XPO7: variants seen among roughly 807,000 people sequenced by gnomAD.
XPO7 encodes the protein exportin-7.
Under a neutral mutation model 144.3 loss-of-function variants are expected in XPO7, and 21 were observed. That is an observed-to-expected ratio of 0.15 (90% CI 0.10 to 0.21). The LOEUF (loss-of-function observed/expected upper bound fraction) is 0.21, where lower values mean the gene tolerates loss of function less well. Ranked by LOEUF, XPO7 falls within the 10% of genes least tolerant of loss-of-function variation. The probability of loss-of-function intolerance (pLI) is 1.00; values close to 1 mark genes in which losing one functional copy is unlikely to be tolerated. For missense variants in XPO7, 808 were observed against 1,325.8 expected (o/e 0.61, Z 6.06); for synonymous variants, 580 against 499.6 (o/e 1.16, Z -2.15).
At chr8:21,921,139 A>G (rs149475786) in intron 1 of XPO7, among the ~76,000 whole-genome samples, 26 of 152,326 alleles carry the variant, frequency 1.7e-4, no homozygotes, top group African/African-American at 6.3e-4. Context: ...TGATACAAGG[A>G]GATGATAATA....
intron 9 of XPO7, 66 bp downstream of exon 9, chr8:21,980,269 G>C: frequency 6.7e-7 from 1 of 1,499,178 alleles, no homozygotes; most frequent in Non-Finnish European, 8.9e-7. Context: ...TGAGTCAGAA[G>C]GAAATCCATC....
intron 1 of XPO7, among the ~76,000 whole-genome samples, chr8:21,920,164 T>C (rs914039737): frequency 2.7e-5 from 4 of 147,124 alleles, no homozygotes; most frequent in African/African-American, 5.0e-5. Flanking sequence ...TTGCTGACTT[T>C]ACTGAGGGGG....
rs763623905 is a variant in XPO7, at chr8:21,990,924, C to T, written c.2041+5C>T. ...GTCTCCTCATGGTGGATTTAGGTAC[C>T]GTAAGAAATCGTAGTGGCTCATGAA... is the stretch of plus-strand genomic sequence containing the variant. On this transcript the variant is annotated splice_donor_5th_base_variant and intron_variant, in intron 18 of 27. Coordinates refer to ENST00000252512, the MANE Select transcript of XPO7 (RefSeq NM_015024.5). 10 of 1,612,344 alleles carry T rather than the reference C, an allele frequency of 6.2e-6. No homozygotes were observed. Among genetic ancestry groups the T allele is most frequent in the African/African-American group, 4.0e-5 (3 of 74,824 alleles).
intron 1 of XPO7, among the ~76,000 whole-genome samples, chr8:21,960,776 T>C (rs1484345223): frequency 6.6e-6 from 1 of 152,214 alleles, no homozygotes; most frequent in East Asian, 1.9e-4. Flanking sequence ...GAGAAACTAA[T>C]GGGAGTCGTG....
intron 1 of XPO7, among the ~76,000 whole-genome samples, chr8:21,963,914 T>C (rs1490204017): frequency 6.6e-6 from 1 of 152,184 alleles, no homozygotes; most frequent in Admixed American, 6.5e-5. Flanking sequence ...AAGAATAACT[T>C]AGCTGCATAT....
At chr8:21,975,415 G>T (rs1021485310) in intron 6 of XPO7, among the ~76,000 whole-genome samples, 1 of 152,224 alleles carries the variant, frequency 6.6e-6, no homozygotes, top group Non-Finnish European at 1.5e-5. Context: ...AGAAAGAAGT[G>T]TTAAGCTGGG....
intron 1 of XPO7, among the ~76,000 whole-genome samples, chr8:21,933,060 T>C (rs1810705609): frequency 6.6e-6 from 1 of 152,146 alleles, no homozygotes; most frequent in African/African-American, 2.4e-5. Flanking sequence ...TCTAAGGTTT[T>C]AGAACATGAT....
chr8:21,954,944 T>C (rs1410224253), intron 1 of XPO7, among the ~76,000 whole-genome samples: 2 of 152,212 alleles, frequency 1.3e-5, no homozygotes, highest in Admixed American at 6.5e-5. Flanking sequence ...ATTTGAGATG[T>C]TGGTTAACAT....
chr8:22,001,485 T>C (rs936032878), intron 24 of XPO7, among the ~76,000 whole-genome samples: 1 of 152,154 alleles, frequency 6.6e-6, no homozygotes, highest in African/African-American at 2.4e-5. Context: ...TAAAGACGCA[T>C]AGATGAGTCT....
At chr8:21,986,804 CTTA>C (rs1308905914) in intron 13 of XPO7, among the ~76,000 whole-genome samples, 1 of 152,194 alleles carries the variant, frequency 6.6e-6, no homozygotes, top group Non-Finnish European at 1.5e-5. Context: ...AAATGACTCA[CTTA>C]TTATGACATC....
Position 21,990,824 on chromosome 8 carries a change from C to T in XPO7, c.1946C>T (p.Ser649Leu). The change falls in exon 18 of 28, where the codon TCA becomes TTA. Residue 649 changes from serine to leucine, a missense_variant. Coordinates refer to ENST00000252512, the MANE Select transcript of XPO7 (RefSeq NM_015024.5). The stretch of plus-strand genomic sequence containing the variant: ...TTTTTTCAATAGAGCGAGCACTTTT[C>T]ATTTTTGGGTATTAACAATCAGTCC... ...MLNNHTSEHF[S>L]FLGINNQSNL... 6.2e-7 allele frequency: 1 copy of T among 1,613,852 alleles called. No individual in the cohort carries two copies. The highest frequency in any genetic ancestry group is 8.5e-7 in the Non-Finnish European group (1 of 1,179,842).
At chr8:21,978,438 G>A (rs1812295408) in intron 8 of XPO7, among the ~76,000 whole-genome samples, 1 of 152,222 alleles carries the variant, frequency 6.6e-6, no homozygotes, top group Non-Finnish European at 1.5e-5. Flanking sequence ...ACACAGTGAA[G>A]TAATGAGTGG....
At position 22,002,139 on chromosome 8, in the gene XPO7, C is replaced by G; in HGVS notation, c.2810C>G (p.Ser937Cys). The part of the protein sequence containing the change: ...LDTMVCTGCC[S>C]CLDHIVTYLF... ...ACCATGGTATGCACAGGCTGCTGCTCCTGCCTGGACCACATTGTGACATAC... is the reference window on the plus strand; with the variant it reads ...ACCATGGTATGCACAGGCTGCTGCTGCTGCCTGGACCACATTGTGACATAC... The change falls in exon 25 of 28, where the codon TCC becomes TGC. Residue 937 changes from serine to cysteine, a missense_variant. Physicochemically the swap from Ser to Cys is moderately radical, Grantham distance 112. Transcript: ENST00000252512. The G allele has an allele frequency of 3.7e-6, 6 of 1,611,432 alleles. No individual in the cohort carries two copies. Among genetic ancestry groups the G allele is most frequent in the Non-Finnish European group, 5.1e-6 (6 of 1,178,834 alleles).
intron 1 of XPO7, among the ~76,000 whole-genome samples, chr8:21,939,174 T>C (rs1044013089): frequency 2.0e-5 from 3 of 152,164 alleles, no homozygotes; most frequent in African/African-American, 7.2e-5. Context: ...GCCTATGGAA[T>C]ATACCCATTG....
intron 1 of XPO7, among the ~76,000 whole-genome samples, chr8:21,950,494 T>C (rs940105651): frequency 3.3e-5 from 5 of 152,202 alleles, no homozygotes; most frequent in Non-Finnish European, 5.9e-5. Flanking sequence ...CATGTTTAGG[T>C]TGCATCATGT....
At chr8:21,966,502 C>T (rs1037814755) in intron 1 of XPO7, among the ~76,000 whole-genome samples, 1 of 152,166 alleles carries the variant, frequency 6.6e-6, no homozygotes, top group Non-Finnish European at 1.5e-5. Flanking sequence ...GTATTTCACA[C>T]TTTTTACATT....
chr8:21,993,915 G>GTCTCTCTCTCTCTCTC (rs146886015), intron 19 of XPO7, among the ~76,000 whole-genome samples: 3 of 141,040 alleles, frequency 2.1e-5, no homozygotes, highest in African/African-American at 8.2e-5. Flanking sequence ...TCTTTGCCGT[G>GTCTCTCTCTCTCTCTC]TCTCTCTCTC....
rs192020759 is a variant in XPO7, at chr8:21,974,295, C to G, written c.493-375C>G. On this transcript the variant is annotated intron_variant, in intron 5 of 27. Transcript: ENST00000252512. ...CCTCCTGCCTCAACCTCCCAAAGTT[C>G]TAGAATTACAGAGGTGAGTCACCAC... is the stretch of plus-strand genomic sequence containing the variant. 5.0e-3 allele frequency among the ~76,000 whole-genome samples: 765 copies of G among 152,128 alleles called. 6 individuals are homozygous for G. Among genetic ancestry groups the G allele is most frequent in the Non-Finnish European group, 8.5e-3 (578 of 67,998 alleles).
intron 14 of XPO7, among the ~76,000 whole-genome samples, chr8:21,987,482 G>A (rs772441194): frequency 3.3e-5 from 5 of 152,122 alleles, no homozygotes; most frequent in Non-Finnish European, 7.4e-5. Context: ...TTAACAAATG[G>A]CCAGTCCAAA....
Sources: gnomAD v4.1 joint callset for allele counts (sites outside exome capture counted in the v4.1 genomes callset) on GRCh38, gnomAD v4.1.1 for gene constraint, MANE v1.5 for transcripts, NCBI Gene and HGNC (gene_info 2026-07-23, HGNC 2026-07-21) for gene names.